Variants in PRR7 observed in about 807,000 individuals in gnomAD.
PRR7 encodes proline-rich protein 7.
In PRR7, 8 loss-of-function variants were observed where a neutral mutation model predicts 18.5. That is an observed-to-expected ratio of 0.43 (90% CI 0.25 to 0.78). The LOEUF (loss-of-function observed/expected upper bound fraction) is 0.78, where lower values mean the gene tolerates loss of function less well. PRR7 is among the 30% of genes least tolerant of loss of function. The pLI, the probability that PRR7 is intolerant of heterozygous loss-of-function variation, is 0.22. For synonymous variants in PRR7, 221 were observed against 187.7 expected, an observed-to-expected ratio of 1.18 and a Z score of -1.45; for missense variants, 396 against 403.1, an observed-to-expected ratio of 0.98 and a Z score of 0.15.
At chr5:177,453,091 C>T (rs1308756518) in intron 1 of PRR7, among the ~76,000 whole-genome samples, 1 of 152,238 alleles carries the variant, frequency 6.6e-6, no homozygotes, top group Non-Finnish European at 1.5e-5. Flanking sequence ...ATTCCCCTCT[C>T]TGAGCCTATC....
In PRR7 at chr5:177,449,371, C is replaced by T. The variant is rs916886584; in HGVS notation, c.-325+2411C>T. On this transcript the variant is annotated intron_variant, in intron 1 of 3. Coordinates refer to ENST00000323249, the MANE Select transcript of PRR7 (RefSeq NM_030567.5). The surrounding 1 kb of genome is among the most constrained non-coding windows in gnomAD (Gnocchi z 4.2). Reference sequence around the variant, plus strand: ...TCATCAGAGGGAGTTCTGTTGTCCCCTCGGCACCCTGGTCCTACTGCTGAA... The same window carrying T: ...TCATCAGAGGGAGTTCTGTTGTCCCTTCGGCACCCTGGTCCTACTGCTGAA... Among the ~76,000 whole-genome samples the T allele has an allele frequency of 6.6e-6, 1 of 152,160 alleles. No individual in the cohort carries two copies. The highest frequency in any genetic ancestry group is 2.4e-5 in the African/African-American group (1 of 41,428).
chr5:177,454,351 T>TC lies in PRR7; in HGVS notation c.-240+313dup, dbSNP rs772604280. Among the ~76,000 whole-genome samples, 3 of 152,168 alleles carry TC rather than the reference T, an allele frequency of 2.0e-5. No individual in the cohort carries two copies. The highest frequency in any genetic ancestry group is 4.4e-5 in the Non-Finnish European group (3 of 68,008). The stretch of plus-strand genomic sequence containing the variant: ...GAGGGCGCGGTGCGGAGCCAGTTGT[T>TC]CCGGGCTTTGGGCAGCCAGGGGCTG... On this transcript the variant is annotated intron_variant, in intron 2 of 3. Transcript: ENST00000323249. The surrounding 1 kb of genome is among the most constrained non-coding windows in gnomAD (Gnocchi z 4.7).
At position 177,449,858 on chromosome 5, in the gene PRR7, G is replaced by A. The variant is rs911175530; in HGVS notation, c.-325+2898G>A. 2.0e-5 allele frequency among the ~76,000 whole-genome samples: 3 copies of A among 152,156 alleles called. No individual in the cohort carries two copies. Among genetic ancestry groups the A allele is most frequent in the Non-Finnish European group, 4.4e-5 (3 of 68,012 alleles). On this transcript the variant is annotated intron_variant, in intron 1 of 3. Coordinates refer to ENST00000323249, the MANE Select transcript of PRR7 (RefSeq NM_030567.5). This position sits in a 1 kb window ranked among gnomAD's most constrained non-coding sequence, Gnocchi z 4.2. ...AGTACCCTGGCCTAGGCGGAGGGCG[G>A]TTCTGGCCAGCTCCAAGCCTGGCTG...
chr5:177,455,142 C>T lies in PRR7; in HGVS notation c.75C>T (p.Val25=). The change falls in exon 3 of 4, where the codon GTC becomes GTT. Residue 25 remains valine, a synonymous_variant. Transcript: ENST00000323249. The surrounding 1 kb of genome is among the most constrained non-coding windows in gnomAD (Gnocchi z 6.9). ...TCTGGCTCATCTGGGGTCTCATCGTCCTGCTCTGCTGCTTCTGCAGCTTCC... is the reference window on the plus strand; with the variant it reads ...TCTGGCTCATCTGGGGTCTCATCGTTCTGCTCTGCTGCTTCTGCAGCTTCC... ...AGFWLIWGLI[V]LLCCFCSFLR... 1 of 1,566,174 alleles carries T rather than the reference C, an allele frequency of 6.4e-7. No homozygotes were observed. The highest frequency in any genetic ancestry group is 8.6e-7 in the Non-Finnish European group (1 of 1,159,920).
rs1756142885 is a variant in PRR7, at chr5:177,450,795, T to C, written c.-324-3161T>C. On this transcript the variant is annotated intron_variant, in intron 1 of 3. Coordinates refer to ENST00000323249, the MANE Select transcript of PRR7 (RefSeq NM_030567.5). The surrounding 1 kb of genome is among the most constrained non-coding windows in gnomAD (Gnocchi z 6.6). Reference sequence around the variant, plus strand: ...TGCAGTACCAGCATCTGCTGGAAATTTGTTTAAAATGCAAACTCGGGCCCC... The same window carrying C: ...TGCAGTACCAGCATCTGCTGGAAATCTGTTTAAAATGCAAACTCGGGCCCC... 6.6e-6 allele frequency among the ~76,000 whole-genome samples: 1 copy of C among 152,194 alleles called. No homozygotes were observed. Among genetic ancestry groups the C allele is most frequent in the Non-Finnish European group, 1.5e-5 (1 of 68,030 alleles).
In PRR7 at chr5:177,454,856, C is replaced by T. The variant is rs1170485515; in HGVS notation, c.-212C>T. On this transcript the variant is annotated 5_prime_UTR_variant, in exon 3 of 4. Coordinates refer to ENST00000323249, the MANE Select transcript of PRR7 (RefSeq NM_030567.5). This position sits in a 1 kb window ranked among gnomAD's most constrained non-coding sequence, Gnocchi z 4.7. ...CCCGCGCGGCCCCGGGTGAGGCACGCCCGCGCGCCCGCCGGCGCCATGGGA... is the reference window on the plus strand; with the variant it reads ...CCCGCGCGGCCCCGGGTGAGGCACGTCCGCGCGCCCGCCGGCGCCATGGGA... 3 of 486,476 alleles carry T rather than the reference C, an allele frequency of 6.2e-6. No individual in the cohort carries two copies. Among genetic ancestry groups the T allele is most frequent in the Non-Finnish European group, 9.1e-6 (3 of 328,586 alleles). 30.1% of individuals were successfully genotyped at this position (486,476 alleles called of 1,614,324 possible).
In PRR7 at chr5:177,456,032, T is replaced by A; in HGVS notation, c.736T>A (p.Ser246Thr). The stretch of plus-strand genomic sequence containing the variant: ...CCGGGTCTTCCCCAGCTGGACCGAC[T>A]CAGAGCTCAGCAGCCGCGAGCCCCT... ...GRRVFPSWTD[S>T]ELSSREPLEH... Residue 246 changes from serine (S) to threonine (T), a missense_variant, in exon 4 of 4, where the codon TCA becomes ACA. This residue lies in a region of PRR7 where 383 missense variants were observed against 372.6 expected (regional missense o/e 1.03). Transcript: ENST00000323249. 6.3e-7 allele frequency: 1 copy of A among 1,577,488 alleles called. No homozygotes were observed. Among genetic ancestry groups the A allele is most frequent in the Non-Finnish European group, 8.6e-7 (1 of 1,167,696 alleles).
rs552627885 is a variant in PRR7 at position 177,450,271 on chromosome 5, G to A, written c.-325+3311G>A. ...ACCAGCAGCTCTAGCCTCAAGTCCAGGTGTGACCCAGTGCCCCTGCTGCCC... is the reference window on the plus strand; with the variant it reads ...ACCAGCAGCTCTAGCCTCAAGTCCAAGTGTGACCCAGTGCCCCTGCTGCCC... On this transcript the variant is annotated intron_variant, in intron 1 of 3. Coordinates refer to ENST00000323249, the MANE Select transcript of PRR7 (RefSeq NM_030567.5). This position sits in a 1 kb window ranked among gnomAD's most constrained non-coding sequence, Gnocchi z 6.6. 6.6e-6 allele frequency among the ~76,000 whole-genome samples: 1 copy of A among 152,086 alleles called. No homozygotes were observed. The highest frequency in any genetic ancestry group is 1.5e-5 in the Non-Finnish European group (1 of 68,020).
Position 177,455,221 on chromosome 5 carries a change from C to T in PRR7, c.154C>T (p.Arg52Cys). 2 of 1,568,044 alleles carry T rather than the reference C, an allele frequency of 1.3e-6. No individual in the cohort carries two copies. The highest frequency in any genetic ancestry group is 8.6e-7 in the Non-Finnish European group (1 of 1,165,014). ...GGAGCGACTGCGCGAGCAGAACCTG[C>T]GCGCCCTAGAGCTGGAGCCCCTCGA... ...QEERLREQNL[R>C]ALELEPLELE... The change falls in exon 3 of 4, where the codon CGC becomes TGC. Residue 52 changes from arginine to cysteine, a missense_variant. By Grantham distance (180) the Arg-to-Cys change is radical. Transcript: ENST00000323249. This position sits in a 1 kb window ranked among gnomAD's most constrained non-coding sequence, Gnocchi z 6.9.
At position 177,455,295 on chromosome 5, in the gene PRR7, G is replaced by A; in HGVS notation, c.228G>A (p.Gln76=). The A allele has an allele frequency of 6.6e-7, 1 of 1,504,212 alleles. No individual in the cohort carries two copies. Among genetic ancestry groups the A allele is most frequent in the Middle Eastern group, 1.9e-4 (1 of 5,256 alleles). The allele number at this position is 1,504,212 out of a possible 1,614,324, so 93.2% of individuals were successfully genotyped here. A position where few individuals can be genotyped will look rare whatever the true frequency, so the allele number is the denominator to read the frequency against. The change falls in exon 3 of 4, where the codon CAG becomes CAA. Residue 76 remains glutamine, a synonymous_variant. Coordinates refer to ENST00000323249, the MANE Select transcript of PRR7 (RefSeq NM_030567.5). This position sits in a 1 kb window ranked among gnomAD's most constrained non-coding sequence, Gnocchi z 6.9. ...AGSPPGLAPP[Q]PPPHRSRLEA... is the part of the protein sequence containing the mutation. ...GCCCCCCGGGCCTGGCGCCGCCGCAGCCACCACCACACCGTAGCCGCCTGG... is the reference window on the plus strand; with the variant it reads ...GCCCCCCGGGCCTGGCGCCGCCGCAACCACCACCACACCGTAGCCGCCTGG...
Position 177,456,206 on chromosome 5 carries a change from G to A in PRR7, c.*85G>A, listed in dbSNP as rs902933298. ...TAAATGCTTCCCTGGACTGCGGGGA[G>A]GGGCGGGGGGAGGGAGGGATTTCTT... On this transcript the variant is annotated 3_prime_UTR_variant, in exon 4 of 4. Coordinates refer to ENST00000323249, the MANE Select transcript of PRR7 (RefSeq NM_030567.5). 2 of 749,142 alleles carry A rather than the reference G, an allele frequency of 2.7e-6. No homozygotes were observed. The highest frequency in any genetic ancestry group is 2.2e-5 in the South Asian group (1 of 46,314). 46.4% of individuals were successfully genotyped at this position (749,142 alleles called of 1,614,324 possible).
At chr5:177,447,611 C>G (rs1755961236) in intron 1 of PRR7, 1 of 146,594 alleles carries the variant, frequency 6.8e-6, no homozygotes, top group Admixed American at 6.9e-5. Context: ...TGGCCTGAGC[C>G]GAGCTGGGTT....
At chr5:177,452,853 C>CA (rs2127387941) in intron 1 of PRR7, among the ~76,000 whole-genome samples, 1 of 152,372 alleles carries the variant, frequency 6.6e-6, no homozygotes, top group East Asian at 1.9e-4. Flanking sequence ...TACATCTCCC[C>CA]TTCATCCTGT....
chr5:177,452,011 G>A (rs923605215), intron 1 of PRR7, among the ~76,000 whole-genome samples: 2 of 152,192 alleles, frequency 1.3e-5, no homozygotes, highest in Admixed American at 6.5e-5. Context: ...CAAGGGTCTC[G>A]CTTTCATCCC....
chr5:177,447,854 T>C (rs1263224819), intron 1 of PRR7, among the ~76,000 whole-genome samples: 1 of 152,182 alleles, frequency 6.6e-6, no homozygotes, highest in Non-Finnish European at 1.5e-5. Flanking sequence ...ACCCAGCCCA[T>C]TGTCTGGATC....
At position 177,446,857 on chromosome 5, in the gene PRR7, C is replaced by T. The variant is rs1043756723; in HGVS notation, c.-428C>T. 6.6e-6 allele frequency: 1 copy of T among 151,750 alleles called. No individual in the cohort carries two copies. The highest frequency in any genetic ancestry group is 1.5e-5 in the Non-Finnish European group (1 of 67,960). The allele number at this position is 151,750 out of a possible 1,614,324, so 9.4% of individuals were successfully genotyped here. The stretch of plus-strand genomic sequence containing the variant: ...GCTTTCGCTGCCACTGTCTGCTCCC[C>T]CGGGCCGCCGCCGCCTCCCCCCGCA... On this transcript the variant is annotated 5_prime_UTR_variant, in exon 1 of 4. Coordinates refer to ENST00000323249, the MANE Select transcript of PRR7 (RefSeq NM_030567.5). This position sits in a 1 kb window ranked among gnomAD's most constrained non-coding sequence, Gnocchi z 5.3.
chr5:177,446,748 C>CCGCG (rs942993123), upstream of PRR7: 1 of 151,144 alleles, frequency 6.6e-6, no homozygotes, highest in Admixed American at 6.6e-5. This position sits in a 1 kb window ranked among gnomAD's most constrained non-coding sequence, Gnocchi z 5.3. Context: ...CTGCCGGCTG[C>CCGCG]CGCGCGCGCG....
intron 1 of PRR7, among the ~76,000 whole-genome samples, chr5:177,453,692 AC>A (rs1321897424): frequency 6.6e-6 from 1 of 151,234 alleles, no homozygotes; most frequent in Non-Finnish European, 1.5e-5. Flanking sequence ...AGGCAGCGCT[AC>A]CCCCCACCCC....
Position 177,455,094 on chromosome 5 carries a change from G to T in PRR7, c.27G>T (p.Thr9=). 4 of 1,497,036 alleles carry T rather than the reference G, an allele frequency of 2.7e-6. No homozygotes were observed. Among genetic ancestry groups the T allele is most frequent in the Non-Finnish European group, 2.7e-6 (3 of 1,122,774 alleles). 92.7% of individuals were successfully genotyped at this position (1,497,036 alleles called of 1,614,324 possible). Residue 9 remains threonine (T), a synonymous_variant, in exon 3 of 4, where the codon ACG becomes ACT. Transcript: ENST00000323249. This position sits in a 1 kb window ranked among gnomAD's most constrained non-coding sequence, Gnocchi z 6.9. MVMSQGTY[T]FLTCFAGFWL... is the part of the protein sequence containing the mutation. ...TGGTGATGTCCCAGGGCACCTACAC[G>T]TTCCTCACGTGCTTCGCCGGCTTCT...
Sources: gnomAD v4.1 joint callset for allele counts (sites outside exome capture counted in the v4.1 genomes callset) on GRCh38, gnomAD v4.1.1 for gene constraint, gnomAD v4.1.1 regional missense constraint, Gnocchi (gnomAD v3.1) non-coding constraint, MANE v1.5 for transcripts, NCBI Gene and HGNC (gene_info 2026-07-23, HGNC 2026-07-21) for gene names.